The following NUCB1 variants were observed in gnomAD, a reference collection of about 807,000 sequenced individuals.
The protein encoded by NUCB1 is nucleobindin-1.
In NUCB1, 47 loss-of-function variants were observed where a neutral mutation model predicts 61.2. The observed-to-expected ratio is 0.77, with a 90% CI of 0.61 to 0.98. The LOEUF is 0.98. Ranked by LOEUF, NUCB1 falls within the 50% of genes least tolerant of loss-of-function variation. The pLI, the probability that NUCB1 is intolerant of heterozygous loss-of-function variation, is 0.00. For synonymous variants in NUCB1, 234 were observed against 243.1 expected, an observed-to-expected ratio of 0.96 and a Z score of 0.35; for missense variants, 583 against 605.3, an observed-to-expected ratio of 0.96 and a Z score of 0.39.
At chr19:48,919,147 G>A (rs781763258) in intron 9 of NUCB1, 25 bp downstream of exon 9, 1 of 1,613,562 alleles carries the variant, frequency 6.2e-7, no homozygotes, top group Non-Finnish European at 8.5e-7. Context: ...AGGCGGGGGA[G>A]AGGACGGGCC....
intron 4 of NUCB1, chr19:48,910,918 G>A (rs1026699829): frequency 1.4e-5 from 6 of 430,956 alleles, no homozygotes; most frequent in Non-Finnish European, 2.1e-5. Context: ...GCATGGCCTG[G>A]CATCTAGTAA....
intron 2 of NUCB1, among the ~76,000 whole-genome samples, chr19:48,903,263 C>T (rs1002567808): frequency 1.1e-4 from 17 of 152,124 alleles, no homozygotes; most frequent in African/African-American, 2.9e-4. Context: ...CTACGCATGA[C>T]GGGGGTGGGA....
Position 48,921,227 on chromosome 19 carries a change from C to A in NUCB1, c.1076C>A (p.Ala359Glu), listed in dbSNP as rs2037606345. The A allele has an allele frequency of 6.2e-7, 1 of 1,613,256 alleles. No homozygotes were observed. Among genetic ancestry groups the A allele is most frequent in the East Asian group, 2.2e-5 (1 of 44,882 alleles). ...RFEEELAARE[A>E]ELNAKAQRLS... ...GAAGAGGAGCTGGCTGCCCGGGAGG[C>A]AGAGCTGAATGCCAAGGCCCAGCGC... is the stretch of plus-strand genomic sequence containing the variant. The change falls in exon 11 of 13, where the codon GCA becomes GAA. Residue 359 changes from alanine to glutamate, a missense_variant. Transcript: ENST00000405315.
chr19:48,914,566 C>T (rs1483188690), intron 7 of NUCB1, among the ~76,000 whole-genome samples: 1 of 152,218 alleles, frequency 6.6e-6, no homozygotes, highest in Non-Finnish European at 1.5e-5. Context: ...TCATACCATA[C>T]TTTAGTAACT....
intron 4 of NUCB1, among the ~76,000 whole-genome samples, chr19:48,909,050 C>T (rs1459179382): frequency 6.6e-6 from 1 of 151,868 alleles, no homozygotes; most frequent in Non-Finnish European, 1.5e-5. Flanking sequence ...TGTCTCATGG[C>T]CTGCAGTCAG....
At chr19:48,909,217 A>C (rs947383872) in intron 4 of NUCB1, among the ~76,000 whole-genome samples, 3 of 147,378 alleles carry the variant, frequency 2.0e-5, no homozygotes, top group Non-Finnish European at 4.5e-5. Context: ...TTCTCCTTCC[A>C]TTATTATTTT....
At chr19:48,909,373 A>G (rs1301259973) in intron 4 of NUCB1, among the ~76,000 whole-genome samples, 5 of 149,792 alleles carry the variant, frequency 3.3e-5, no homozygotes, top group Non-Finnish European at 7.4e-5. Flanking sequence ...TCAGACTCCT[A>G]AGTAGCTGGG....
At chr19:48,918,963 T>C (rs1229576728) in intron 8 of NUCB1, 67 bp from the exon 9 acceptor site, 1 of 1,508,422 alleles carries the variant, frequency 6.6e-7, no homozygotes, top group African/African-American at 1.4e-5. Flanking sequence ...TGCTGGGAGT[T>C]GAAGTTGTCG....
chr19:48,919,347 T>A, intron 10 of NUCB1, 61 bp downstream of exon 10: 1 of 1,304,640 alleles, frequency 7.7e-7, no homozygotes, highest in Non-Finnish European at 1.1e-6. Context: ...ATGACCTTTC[T>A]TTCAGAATCT....
chr19:48,922,807 A>G lies in NUCB1; in HGVS notation c.*383A>G. 1 of 205,634 alleles carries G rather than the reference A, an allele frequency of 4.9e-6. No homozygotes were observed. The allele number at this position is 205,634 out of a possible 1,614,324, so 12.7% of individuals were successfully genotyped here. A position where few individuals can be genotyped will look rare whatever the true frequency, so the allele number is the denominator to read the frequency against. On this transcript the variant is annotated 3_prime_UTR_variant, in exon 13 of 13. Transcript: ENST00000405315. ...GGTTGTGGCCGCCCTAGCATCCTGTATGCCCACAGCTACTGGAATCCCCGC... is the reference window on the plus strand; with the variant it reads ...GGTTGTGGCCGCCCTAGCATCCTGTGTGCCCACAGCTACTGGAATCCCCGC...
intron 7 of NUCB1, 142 bp downstream of exon 7, chr19:48,913,706 A>G (rs1282120940): frequency 1.1e-5 from 7 of 666,648 alleles, no homozygotes; most frequent in Non-Finnish European, 1.9e-5. Context: ...GGTTGACCAG[A>G]CAGCCCTGCC....
chr19:48,921,929 A>C lies in NUCB1; in HGVS notation c.1276A>C (p.Thr426Pro). 6.3e-7 allele frequency: 1 copy of C among 1,593,992 alleles called. No individual in the cohort carries two copies. Among genetic ancestry groups the C allele is most frequent in the Non-Finnish European group, 8.5e-7 (1 of 1,170,434 alleles). ...GGGGCAGCTCAAGTTCCACCCAGACACAGGTGCTGGCCCTAGTCCAGGGAG... is the reference window on the plus strand; with the variant it reads ...GGGGCAGCTCAAGTTCCACCCAGACCCAGGTGCTGGCCCTAGTCCAGGGAG... ...PEGQLKFHPDTDDVPVPAPAG... is the reference protein window; with the variant it reads ...PEGQLKFHPDPDDVPVPAPAG... Residue 426 changes from threonine (T) to proline (P), a missense_variant, in exon 12 of 13, where the codon ACA (threonine) becomes CCA (proline). Transcript: ENST00000405315.
At chr19:48,918,908 C>T (rs2037572495) in intron 8 of NUCB1, 122 bp from the exon 9 acceptor site, 3 of 1,337,080 alleles carry the variant, frequency 2.2e-6, no homozygotes, top group Admixed American at 1.9e-5. Context: ...CCATCAGCCC[C>T]TGGGGCAAAA....
In NUCB1 at chr19:48,909,162, C is replaced by T. The variant is rs146377241; in HGVS notation, c.377-1987C>T. ...TGGCTTGCAGATGGCCGTCTTCTCACTGCATTTTCACACCATCTTTCCTCT... is the reference window on the plus strand; with the variant it reads ...TGGCTTGCAGATGGCCGTCTTCTCATTGCATTTTCACACCATCTTTCCTCT... On this transcript the variant is annotated intron_variant, in intron 4 of 12. Coordinates refer to ENST00000405315, the MANE Select transcript of NUCB1 (RefSeq NM_006184.6). Among the ~76,000 whole-genome samples the T allele has an allele frequency of 8.5e-3, 1,296 of 152,124 alleles. 25 individuals are homozygous for T. Among genetic ancestry groups the T allele is most frequent in the African/African-American group, 0.03 (1,246 of 41,512 alleles).
chr19:48,912,879 AGACG>A, intron 5 of NUCB1, 128 bp from the exon 6 acceptor site: 6 of 479,876 alleles, frequency 1.3e-5, no homozygotes, highest in Non-Finnish European at 1.8e-5. Context: ...TTAGGACACG[AGACG>A]TAAGAAAGAC....
At position 48,900,875 on chromosome 19, in the gene NUCB1, G is replaced by A; in HGVS notation, c.79G>A (p.Val27Ile). The A allele has an allele frequency of 6.2e-7, 1 of 1,613,914 alleles. No homozygotes were observed. Among genetic ancestry groups the A allele is most frequent in the Non-Finnish European group, 8.5e-7 (1 of 1,180,028 alleles). The change falls in exon 2 of 13, where the codon GTC becomes ATC. Residue 27 changes from valine to isoleucine, a missense_variant. Physicochemically the swap from Val to Ile is conservative, Grantham distance 29. Transcript: ENST00000405315. Reference sequence around the variant, plus strand: ...GCTCCTGCTTCGCGCCGTGCTGGCTGTCCCCCTGGAGCGAGGGGCGCCCAA... The same window carrying A: ...GCTCCTGCTTCGCGCCGTGCTGGCTATCCCCCTGGAGCGAGGGGCGCCCAA... The part of the protein sequence containing the change: ...LLLLLRAVLA[V>I]PLERGAPNKE...
intron 2 of NUCB1, 137 bp downstream of exon 2, chr19:48,901,068 C>T: frequency 9.8e-7 from 1 of 1,018,734 alleles, no homozygotes; most frequent in Non-Finnish European, 1.5e-6. Flanking sequence ...CCCACCATTC[C>T]TCCCAGCAGC....
At chr19:48,910,323 C>A (rs1226372032) in intron 4 of NUCB1, among the ~76,000 whole-genome samples, 2 of 151,080 alleles carry the variant, frequency 1.3e-5, no homozygotes, top group Admixed American at 1.3e-4. Context: ...TGATCCGCCC[C>A]CCTTGGCCTC....
Position 48,911,265 on chromosome 19 carries a change from G to A in NUCB1, c.480+13G>A, listed in dbSNP as rs1281315258. ...GCTGATCCAGACGGTAATGGGAGTGGGTCCGGAGGCAGAGGATTGAGGGTA... is the reference window on the plus strand; with the variant it reads ...GCTGATCCAGACGGTAATGGGAGTGAGTCCGGAGGCAGAGGATTGAGGGTA... On this transcript the variant is annotated intron_variant, in intron 5 of 12. Transcript: ENST00000405315. 1 of 1,592,808 alleles carries A rather than the reference G, an allele frequency of 6.3e-7. No individual in the cohort carries two copies. Among genetic ancestry groups the A allele is most frequent in the Non-Finnish European group, 8.6e-7 (1 of 1,160,954 alleles).
Sources: gnomAD v4.1 joint callset for allele counts (sites outside exome capture counted in the v4.1 genomes callset) on GRCh38, gnomAD v4.1.1 for gene constraint, MANE v1.5 for transcripts, NCBI Gene and HGNC (gene_info 2026-07-23, HGNC 2026-07-21) for gene names.